HRH1: variants seen among roughly 807,000 people sequenced by gnomAD.
HRH1 encodes histamine H1 receptor.
Under a neutral mutation model 10.3 loss-of-function variants are expected in HRH1, and 6 were observed. The observed-to-expected ratio is 0.58, with a 90% CI of 0.32 to 1.15. The LOEUF (loss-of-function observed/expected upper bound fraction) is 1.15, where lower values mean the gene tolerates loss of function less well. Ranked by LOEUF, HRH1 falls within the 50% of genes most tolerant of loss-of-function variation. HRH1 has a pLI of 0.05. For missense variants in HRH1, 514 were observed against 615.3 expected (o/e 0.84, Z 1.74); for synonymous variants, 242 against 236.7 (o/e 1.02, Z -0.21).
At chr3:11,157,799 A>G (rs1341091124) in intron 1 of HRH1, among the ~76,000 whole-genome samples, 1 of 152,238 alleles carries the variant, frequency 6.6e-6, no homozygotes, top group African/African-American at 2.4e-5. Context: ...AAACTATCAC[A>G]TCCCAACAGA....
intron 1 of HRH1, among the ~76,000 whole-genome samples, chr3:11,148,838 T>C (rs1047912798): frequency 3.0e-5 from 4 of 131,212 alleles, no homozygotes; most frequent in African/African-American, 1.2e-4. Context: ...TTTTTTTTGC[T>C]ACACCAGCTG....
intron 1 of HRH1, among the ~76,000 whole-genome samples, chr3:11,245,181 C>T (rs993014361): frequency 1.2e-4 from 18 of 152,144 alleles, no homozygotes; most frequent in Middle Eastern, 3.4e-3. Context: ...AGCAAAACCC[C>T]GTCTCTACTA....
chr3:11,245,472 C>T (rs1397196823), intron 1 of HRH1, among the ~76,000 whole-genome samples: 1 of 152,192 alleles, frequency 6.6e-6, no homozygotes, highest in African/African-American at 2.4e-5. Flanking sequence ...TTGAGCTGAC[C>T]ATTTCCTCCT....
intron 1 of HRH1, among the ~76,000 whole-genome samples, chr3:11,224,770 T>A (rs1938828918): frequency 6.6e-6 from 1 of 151,812 alleles, no homozygotes; most frequent in Non-Finnish European, 1.5e-5. Flanking sequence ...GTGGGCCTCA[T>A]AACTGTGAGG....
At chr3:11,225,176 G>A (rs1374815357) in intron 1 of HRH1, among the ~76,000 whole-genome samples, 1 of 152,194 alleles carries the variant, frequency 6.6e-6, no homozygotes, top group Non-Finnish European at 1.5e-5. Context: ...AAATTTTCTT[G>A]TAGATTCCCC....
chr3:11,187,635 T>C (rs1410715385), intron 1 of HRH1, among the ~76,000 whole-genome samples: 1 of 152,184 alleles, frequency 6.6e-6, no homozygotes, highest in Non-Finnish European at 1.5e-5. Flanking sequence ...ATTTCATATT[T>C]GGCAAACTTA....
At chr3:11,159,707 C>T (rs1936887946) in intron 1 of HRH1, among the ~76,000 whole-genome samples, 1 of 152,220 alleles carries the variant, frequency 6.6e-6, no homozygotes, top group African/African-American at 2.4e-5. Context: ...GCTGGCCTCA[C>T]AAAATGATGT....
rs755974855 is a variant in HRH1 at position 11,259,763 on chromosome 3, G to T, written c.726G>T (p.Glu242Asp). The T allele has an allele frequency of 2.5e-6, 4 of 1,614,090 alleles. No individual in the cohort carries two copies. Among genetic ancestry groups the T allele is most frequent in the African/African-American group, 2.7e-5 (2 of 75,024 alleles). The stretch of plus-strand genomic sequence containing the variant: ...TCTCAGAAATTAAGCTGAGGCCAGA[G>T]AACCCCAAGGGGGATGCCAAGAAAC... ...PSFSEIKLRP[E>D]NPKGDAKKPG... is the part of the protein sequence containing the mutation. The change falls in exon 2 of 2, where the codon GAG (glutamate) becomes GAT (aspartate). Residue 242 changes from glutamate (E) to aspartate (D), a missense_variant. Transcript: ENST00000431010. The surrounding 1 kb of genome is among the most constrained non-coding windows in gnomAD (Gnocchi z 4.6).
intron 1 of HRH1, among the ~76,000 whole-genome samples, chr3:11,195,866 G>T (rs748580447): frequency 1.3e-5 from 2 of 152,262 alleles, no homozygotes; most frequent in African/African-American, 4.8e-5. Flanking sequence ...GTTACTTCCT[G>T]TGTGTCTGAT....
chr3:11,233,739 C>T (rs1191497802), intron 1 of HRH1, among the ~76,000 whole-genome samples: 1 of 152,198 alleles, frequency 6.6e-6, no homozygotes, highest in Non-Finnish European at 1.5e-5. Context: ...AAGTACAGTA[C>T]CCCTTCACAT....
chr3:11,183,855 C>CTTTTTTT (rs60566877), intron 1 of HRH1, among the ~76,000 whole-genome samples: 2 of 91,960 alleles, frequency 2.2e-5, no homozygotes, highest in African/African-American at 9.0e-5. Flanking sequence ...GGAAAGCTTG[C>CTTTTTTT]TTTTTTTTTT....
At chr3:11,195,532 C>T (rs1937624932) in intron 1 of HRH1, among the ~76,000 whole-genome samples, 1 of 152,220 alleles carries the variant, frequency 6.6e-6, no homozygotes, top group Admixed American at 6.5e-5. Context: ...TGTGCTGAAG[C>T]TCGAGGGTCT....
At chr3:11,198,331 G>A (rs961871759) in intron 1 of HRH1, among the ~76,000 whole-genome samples, 15 of 151,988 alleles carry the variant, frequency 9.9e-5, no homozygotes, top group African/African-American at 3.4e-4. Flanking sequence ...TCCAATTCCC[G>A]ACGCTCTTAA....
At chr3:11,238,560 C>G (rs1025204076) in intron 1 of HRH1, among the ~76,000 whole-genome samples, 3 of 152,146 alleles carry the variant, frequency 2.0e-5, no homozygotes, top group African/African-American at 7.2e-5. Context: ...TGTAATTTAC[C>G]TATCATAAAA....
At chr3:11,175,379 G>T (rs1250723503) in intron 1 of HRH1, among the ~76,000 whole-genome samples, 1 of 152,108 alleles carries the variant, frequency 6.6e-6, no homozygotes, top group Non-Finnish European at 1.5e-5. Flanking sequence ...TGACCATTAG[G>T]CCATCCTGCC....
At chr3:11,182,407 A>G (rs1937375776) in intron 1 of HRH1, among the ~76,000 whole-genome samples, 1 of 152,264 alleles carries the variant, frequency 6.6e-6, no homozygotes, top group Admixed American at 6.5e-5. Context: ...GACATACATC[A>G]GGTGGCTGTT....
intron 1 of HRH1, among the ~76,000 whole-genome samples, chr3:11,167,136 C>T (rs1408246066): frequency 6.7e-6 from 1 of 148,286 alleles, no homozygotes; most frequent in South Asian, 2.2e-4. Context: ...GTGACATCTG[C>T]TGTCCCCTGT....
chr3:11,234,268 C>T, intron 1 of HRH1: 6 of 1,558,580 alleles, frequency 3.8e-6, no homozygotes, highest in Non-Finnish European at 5.3e-6. Flanking sequence ...TTGACCCCAC[C>T]TCTTCTTTGG....
intron 1 of HRH1, among the ~76,000 whole-genome samples, chr3:11,196,777 G>A (rs568182945): frequency 6.6e-6 from 1 of 152,018 alleles, no homozygotes; most frequent in South Asian, 2.1e-4. Flanking sequence ...TGTGATCCAT[G>A]GACTAGCAGC....
Sources: allele counts gnomAD v4.1 joint callset (sites outside exome capture counted in the v4.1 genomes callset), GRCh38; gene constraint gnomAD v4.1.1; non-coding constraint Gnocchi (gnomAD v3.1); transcripts MANE v1.5; gene names NCBI Gene and HGNC (gene_info 2026-07-23, HGNC 2026-07-21).